Variants in TUSC7 observed in about 807,000 individuals in gnomAD.
The protein encoded by TUSC7 is LSAMP antisense RNA 3.
At chr3:116,711,960 T>C (rs1394127414) in intron 1 of TUSC7, among the ~76,000 whole-genome samples, 1 of 152,192 alleles carries the variant, frequency 6.6e-6, no homozygotes, top group Non-Finnish European at 1.5e-5. Context: ...ATTTACAGAA[T>C]TTATCCTTTT....
intron 1 of TUSC7, chr3:116,710,013 G>A (rs919045383): frequency 2.0e-5 from 3 of 152,130 alleles, no homozygotes; most frequent in Non-Finnish European, 4.4e-5. Context: ...AAAGAGCAAC[G>A]TTAAAGTGAG....
intron 1 of TUSC7, among the ~76,000 whole-genome samples, chr3:116,713,840 C>T (rs2051483184): frequency 6.6e-6 from 1 of 152,098 alleles, no homozygotes; most frequent in South Asian, 2.1e-4. Flanking sequence ...GTGGTGCATA[C>T]CCGTAATCTC....
intron 1 of TUSC7, among the ~76,000 whole-genome samples, chr3:116,710,786 T>C (rs917887260): frequency 3.3e-5 from 5 of 152,040 alleles, no homozygotes; most frequent in African/African-American, 1.2e-4. Context: ...ATGATTACCT[T>C]TACCACAAAA....
At chr3:116,714,285 C>T (rs1175369432) in intron 1 of TUSC7, 3 of 152,114 alleles carry the variant, frequency 2.0e-5, no homozygotes, top group African/African-American at 7.2e-5. Flanking sequence ...GACTTTTGCA[C>T]CAAATGTGTA....
intron 1 of TUSC7, among the ~76,000 whole-genome samples, chr3:116,715,605 G>T (rs1004620175): frequency 5.9e-5 from 9 of 151,974 alleles, no homozygotes; most frequent in African/African-American, 2.2e-4. Flanking sequence ...ATGCTTATTT[G>T]CCATATGTAT....
At chr3:116,714,494 G>C (rs2051488447) in intron 1 of TUSC7, among the ~76,000 whole-genome samples, 1 of 152,122 alleles carries the variant, frequency 6.6e-6, no homozygotes, top group Non-Finnish European at 1.5e-5. Context: ...TCTTGTTAAA[G>C]TACAGTTTAA....
At chr3:116,710,056 G>A (rs1426855252) in intron 1 of TUSC7, 3 of 152,044 alleles carry the variant, frequency 2.0e-5, no homozygotes, top group South Asian at 2.1e-4. Flanking sequence ...AAGCAAATTC[G>A]AACCGTGAGC....
intron 1 of TUSC7, among the ~76,000 whole-genome samples, chr3:116,713,077 A>C (rs971111517): frequency 6.6e-6 from 1 of 152,166 alleles, no homozygotes; most frequent in Non-Finnish European, 1.5e-5. Context: ...CTTTCTTCTT[A>C]TTCTAGATTT....
At chr3:116,712,843 T>C (rs1161126246) in intron 1 of TUSC7, 3 of 152,274 alleles carry the variant, frequency 2.0e-5, no homozygotes, top group Middle Eastern at 3.4e-3. Context: ...AGTGTTGACC[T>C]GCACTGAGAA....
chr3:116,713,687 C>A (rs2051481345), intron 1 of TUSC7, among the ~76,000 whole-genome samples: 1 of 152,156 alleles, frequency 6.6e-6, no homozygotes, highest in African/African-American at 2.4e-5. Context: ...TAGACTAGGC[C>A]AGACTTGGGG....
intron 1 of TUSC7, chr3:116,714,151 G>GT (rs1449291614): frequency 5.9e-5 from 8 of 135,084 alleles, no homozygotes; most frequent in Admixed American, 7.9e-5. Context: ...TGGGAAACAG[G>GT]TAAAAAAAAA....
Position 116,710,725 on chromosome 3 carries a change from G to GT in TUSC7, n.98+856dup, listed in dbSNP as rs952494358. Among the ~76,000 whole-genome samples the GT allele has an allele frequency of 3.4e-4, 51 of 152,032 alleles. No individual in the cohort carries two copies. The Middle Eastern group carries it at 0.02, about 61-fold the overall frequency. ...GAGTTGAATCTTTTCCAAACTAATGGTTTTTTTAGGAGTAAACCTTAGAGT... is the reference window on the plus strand; with the variant it reads ...GAGTTGAATCTTTTCCAAACTAATGGTTTTTTTTAGGAGTAAACCTTAGAGT... On this transcript the variant is annotated intron_variant and non_coding_transcript_variant, in intron 1 of 2. Coordinates refer to ENST00000477805, the Ensembl canonical transcript of TUSC7.
chr3:116,715,566 C>T (rs1260357816), intron 1 of TUSC7, among the ~76,000 whole-genome samples: 5 of 152,024 alleles, frequency 3.3e-5, no homozygotes, highest in African/African-American at 7.2e-5. Context: ...GTGTATTTCC[C>T]TGATGACATA....
chr3:116,714,803 A>G (rs907787061), intron 1 of TUSC7, among the ~76,000 whole-genome samples: 1 of 152,224 alleles, frequency 6.6e-6, no homozygotes, highest in Non-Finnish European at 1.5e-5. Context: ...AGAATGGAAC[A>G]TCTGTTACAA....
chr3:116,710,479 T>C (rs1364368878), intron 1 of TUSC7: 1 of 152,120 alleles, frequency 6.6e-6, no homozygotes. Flanking sequence ...AAAGTGATGC[T>C]AACTATGCCC....
intron 1 of TUSC7, chr3:116,716,204 A>C (rs892388724): frequency 2.0e-5 from 3 of 152,236 alleles, no homozygotes; most frequent in Non-Finnish European, 2.9e-5. Context: ...CCTCAAATAA[A>C]GGTGGGGAAA....
chr3:116,713,093 T>C (rs980775697), intron 1 of TUSC7, among the ~76,000 whole-genome samples: 1 of 152,200 alleles, frequency 6.6e-6, no homozygotes, highest in Non-Finnish European at 1.5e-5. Context: ...GATTTTAAAA[T>C]TTTAATACAA....
chr3:116,715,192 TC>T (rs1265452942), intron 1 of TUSC7, among the ~76,000 whole-genome samples: 2 of 152,204 alleles, frequency 1.3e-5, no homozygotes, highest in Non-Finnish European at 2.9e-5. Flanking sequence ...TGAATAATAT[TC>T]CTTTGTATGT....
At chr3:116,710,276 T>C (rs2057642302) in intron 1 of TUSC7, 1 of 152,058 alleles carries the variant, frequency 6.6e-6, no homozygotes, top group Non-Finnish European at 1.5e-5. Context: ...AAGATCTCAG[T>C]TTTACTGAAA....
Sources: gnomAD v4.1 joint callset for allele counts (sites outside exome capture counted in the v4.1 genomes callset) on GRCh38, gnomAD v4.1.1 for gene constraint, MANE v1.5 for transcripts, NCBI Gene and HGNC (gene_info 2026-07-23, HGNC 2026-07-21) for gene names.